Variants in GULP1 observed in about 807,000 individuals in gnomAD.
GULP1 encodes the protein PTB domain-containing engulfment adapter protein 1.
GULP1 carries 19 observed loss-of-function variants against 40.9 expected under a neutral mutation model. That is an observed-to-expected ratio of 0.46 (90% CI 0.32 to 0.68). The LOEUF is 0.68. Ranked by LOEUF, GULP1 falls within the 30% of genes least tolerant of loss-of-function variation. The pLI, the probability that GULP1 is intolerant of heterozygous loss-of-function variation, is 0.03. For synonymous variants in GULP1, 119 were observed against 117.6 expected, an observed-to-expected ratio of 1.01 and a Z score of -0.08; for missense variants, 312 against 362.2, an observed-to-expected ratio of 0.86 and a Z score of 1.12.
chr2:188,484,572 G>A (rs930452578), intron 4 of GULP1, among the ~76,000 whole-genome samples: 7 of 152,068 alleles, frequency 4.6e-5, no homozygotes, highest in East Asian at 1.9e-4. Flanking sequence ...GAACTTAAAC[G>A]TTTATGGATT....
At chr2:188,590,630 A>G (rs1559414341) in intron 11 of GULP1, 4 of 152,346 alleles carry the variant, frequency 2.6e-5, no homozygotes, top group Admixed American at 6.5e-5. Context: ...TTTCAGTATA[A>G]GCAGTTAGAA....
rs77680713 is a variant in GULP1, at chr2:188,466,596, G to A, written c.-44-11063G>A. ...GATGGCTGTTTTTTATCTATCTCTAGCTTGCTCTTCTTATTCTGCCTCATT... is the reference window on the plus strand; with the variant it reads ...GATGGCTGTTTTTTATCTATCTCTAACTTGCTCTTCTTATTCTGCCTCATT... On this transcript the variant is annotated intron_variant, in intron 2 of 11. Transcript: ENST00000409830. 9.5e-3 allele frequency: 1,442 copies of A among 151,906 alleles called. 13 individuals are homozygous for A. The highest frequency in any genetic ancestry group is 0.013 in the Non-Finnish European group (867 of 67,988). 9.4% of individuals were successfully genotyped at this position (151,906 alleles called of 1,614,324 possible).
chr2:188,392,458 A>AT (rs2050658265), intron 2 of GULP1, among the ~76,000 whole-genome samples: 1 of 151,894 alleles, frequency 6.6e-6, no homozygotes, highest in African/African-American at 2.4e-5. Flanking sequence ...TCCCATTTTC[A>AT]TTTTTAATTT....
At chr2:188,329,578 T>C (rs34189381) in intron 1 of GULP1, among the ~76,000 whole-genome samples, 39,198 of 151,956 alleles carry the variant, frequency 0.26, 5,258 homozygotes, top group South Asian at 0.35. Flanking sequence ...GGTAGTAGAA[T>C]GAGGTGGGAA....
At chr2:188,494,752 T>C (rs1209532773) in intron 4 of GULP1, among the ~76,000 whole-genome samples, 1 of 152,068 alleles carries the variant, frequency 6.6e-6, no homozygotes, top group Non-Finnish European at 1.5e-5. Flanking sequence ...AGCGTGACTT[T>C]TGGTTTGTCT....
intron 7 of GULP1, 57 bp downstream of exon 7, chr2:188,541,375 C>G: frequency 6.9e-7 from 1 of 1,454,824 alleles, no homozygotes; most frequent in Non-Finnish European, 9.7e-7. Flanking sequence ...CAGGAATTGT[C>G]TTGCTTCTGG....
chr2:188,518,181 GA>G (rs2065378497), intron 4 of GULP1, among the ~76,000 whole-genome samples: 1 of 151,984 alleles, frequency 6.6e-6, no homozygotes, highest in Non-Finnish European at 1.5e-5. Context: ...GTTTCTCCCA[GA>G]AATAAATCCC....
chr2:188,380,012 C>T (rs1194877097), intron 1 of GULP1, among the ~76,000 whole-genome samples: 1 of 152,186 alleles, frequency 6.6e-6, no homozygotes, highest in Non-Finnish European at 1.5e-5. Flanking sequence ...AAGGAGTATA[C>T]AGACTTATTT....
chr2:188,412,728 TG>T (rs1029472145), intron 2 of GULP1, among the ~76,000 whole-genome samples: 2 of 152,210 alleles, frequency 1.3e-5, no homozygotes, highest in Non-Finnish European at 2.9e-5. Flanking sequence ...TTTCCAACTT[TG>T]CAAAATTATT....
At position 188,584,387 on chromosome 2, in the gene GULP1, T is replaced by C. The variant is rs1218533110; in HGVS notation, c.732T>C (p.Ser244=). 6 of 1,598,412 alleles carry C rather than the reference T, an allele frequency of 3.8e-6. No homozygotes were observed. In the East Asian group the frequency reaches 6.7e-5, roughly 18 times the overall value. ...RNGTQPPPVP[S]RSTEIKRDLF... ...GCACACAGCCACCTCCAGTACCTAG[T>C]AGATCTACTGAGATTAGTAAGCTTT... The change falls in exon 10 of 12, where the codon AGT becomes AGC. Residue 244 remains serine, a synonymous_variant. Transcript: ENST00000409830.
intron 1 of GULP1, among the ~76,000 whole-genome samples, chr2:188,375,063 G>C (rs770577314): frequency 1.1e-4 from 17 of 152,124 alleles, no homozygotes; most frequent in Non-Finnish European, 1.9e-4. Flanking sequence ...TAAAATATTG[G>C]TGATGTCTGC....
chr2:188,478,631 A>G (rs898312968), intron 3 of GULP1, among the ~76,000 whole-genome samples: 6 of 152,142 alleles, frequency 3.9e-5, no homozygotes, highest in Non-Finnish European at 8.8e-5. Context: ...ACTTACTAAG[A>G]TACTGCAAAT....
At chr2:188,372,559 C>A (rs1435900726) in intron 1 of GULP1, among the ~76,000 whole-genome samples, 1 of 151,940 alleles carries the variant, frequency 6.6e-6, no homozygotes, top group African/African-American at 2.4e-5. Context: ...AAAGTGTTTT[C>A]ATACATGAAC....
intron 2 of GULP1, among the ~76,000 whole-genome samples, chr2:188,472,524 C>G (rs1185142366): frequency 6.6e-6 from 1 of 152,054 alleles, no homozygotes; most frequent in Non-Finnish European, 1.5e-5. Flanking sequence ...TGGCTTCAGG[C>G]TCATTAATTG....
intron 1 of GULP1, among the ~76,000 whole-genome samples, chr2:188,314,303 T>C (rs530342383): frequency 6.9e-4 from 105 of 152,288 alleles, no homozygotes; most frequent in Middle Eastern, 3.4e-3. Context: ...TTAAGAATCA[T>C]TTTTTATTAC....
chr2:188,590,735 T>C (rs971124917), intron 11 of GULP1: 2 of 152,146 alleles, frequency 1.3e-5, no homozygotes, highest in Non-Finnish European at 2.9e-5. Context: ...ATAAGTGGAA[T>C]AGTATTGATA....
intron 7 of GULP1, among the ~76,000 whole-genome samples, chr2:188,563,395 T>G (rs1696805999): frequency 6.6e-6 from 1 of 151,240 alleles, no homozygotes; most frequent in African/African-American, 2.4e-5. Flanking sequence ...GTAAATTTGG[T>G]AAATAATATA....
intron 7 of GULP1, among the ~76,000 whole-genome samples, chr2:188,560,245 A>G (rs1483355725): frequency 6.6e-6 from 1 of 152,186 alleles, no homozygotes; most frequent in African/African-American, 2.4e-5. Flanking sequence ...TTCTTCCTCC[A>G]GATACCCTAA....
chr2:188,442,402 G>A (rs977359003), intron 2 of GULP1, among the ~76,000 whole-genome samples: 6 of 151,884 alleles, frequency 4.0e-5, no homozygotes, highest in South Asian at 4.2e-4. Flanking sequence ...ATGAAGAGAG[G>A]GAATTTAATA....
Sources: allele counts gnomAD v4.1 joint callset (sites outside exome capture counted in the v4.1 genomes callset), GRCh38; gene constraint gnomAD v4.1.1; transcripts MANE v1.5; gene names NCBI Gene and HGNC (gene_info 2026-07-23, HGNC 2026-07-21).